Variants in UTRN observed in about 807,000 individuals in gnomAD.
UTRN encodes utrophin, also known as dystrophin-related protein 1.
Under a neutral mutation model 463.9 loss-of-function variants are expected in UTRN, and 283 were observed. The ratio of observed to expected loss-of-function variants is 0.61; its 90% confidence interval spans 0.55 to 0.67. The LOEUF (loss-of-function observed/expected upper bound fraction) is 0.67, where lower values mean the gene tolerates loss of function less well. Ranked by LOEUF, UTRN falls within the 30% of genes least tolerant of loss-of-function variation. The pLI, the probability that UTRN is intolerant of heterozygous loss-of-function variation, is 0.00. For synonymous variants in UTRN, 1,442 were observed against 1,431.5 expected (o/e 1.01, Z -0.17); for missense variants, 3,922 against 4,084.3 (o/e 0.96, Z 1.08).
In UTRN at chr6:144,539,420, A is replaced by G; in HGVS notation, c.6496A>G (p.Thr2166Ala). The change falls in exon 45 of 75, where the codon ACT (threonine) becomes GCT (alanine). Residue 2166 changes from threonine (T) to alanine (A), a missense_variant. By Grantham distance (58) the Thr-to-Ala change is moderately conservative. This residue lies in a region of UTRN where 2,349 missense variants were observed against 2,303.8 expected (regional missense o/e 1.02). Coordinates refer to ENST00000367545, the MANE Select transcript of UTRN (RefSeq NM_007124.3). ...GGATAAAATTTCAGAAAGCTTAAGG[A>G]CTGTAAATATGACATGGAATAAGGT... ...ERDKISESLR[T>A]VNMTWNKICR... 2 of 1,610,008 alleles carry G rather than the reference A, an allele frequency of 1.2e-6. No homozygotes were observed. Among genetic ancestry groups the G allele is most frequent in the Non-Finnish European group, 1.7e-6 (2 of 1,178,476 alleles).
chr6:144,658,958 GT>G (rs1434766388), intron 51 of UTRN, among the ~76,000 whole-genome samples: 3 of 152,196 alleles, frequency 2.0e-5, no homozygotes, highest in African/African-American at 7.2e-5. Context: ...CTCTCATTAA[GT>G]TTTATGTCAG....
At chr6:144,818,313 A>C (rs918754525) in intron 65 of UTRN, among the ~76,000 whole-genome samples, 3 of 152,146 alleles carry the variant, frequency 2.0e-5, no homozygotes, top group African/African-American at 7.2e-5. Context: ...GGGTGATGAA[A>C]ATGACCTGTA....
chr6:144,485,756 T>C lies in UTRN; in HGVS notation c.3822+237T>C, dbSNP rs145344398. On this transcript the variant is annotated intron_variant, in intron 28 of 74. Transcript: ENST00000367545. Reference sequence around the variant, plus strand: ...GTTAGCTGTTTGACATCTTACATTTTAGACATGTTGAAGCACTCTAGTGGT... The same window carrying C: ...GTTAGCTGTTTGACATCTTACATTTCAGACATGTTGAAGCACTCTAGTGGT... Among the ~76,000 whole-genome samples the C allele has an allele frequency of 2.5e-3, 379 of 152,358 alleles. 1 individual carries two copies. Among genetic ancestry groups the C allele is most frequent in the Admixed American group, 4.5e-3 (69 of 15,304 alleles).
chr6:144,635,523 T>TC (rs1188341169), intron 51 of UTRN, among the ~76,000 whole-genome samples: 1 of 77,568 alleles, frequency 1.3e-5, no homozygotes. Flanking sequence ...TCTTTTTTTT[T>TC]TTTTTTCTTT....
rs1161230668 is a variant in UTRN at position 144,744,316 on chromosome 6, ATATATGTGTGTGTGTGTGTG to A, written c.7940-3928_7940-3909del. On this transcript the variant is annotated intron_variant, in intron 54 of 74. Coordinates refer to ENST00000367545, the MANE Select transcript of UTRN (RefSeq NM_007124.3). ...AAAAATGGTGTATACATATATATATATATATGTGTGTGTGTGTGTGTGTGTGTGTGTGTGTGTATAAAATT... is the reference window on the plus strand; with the variant it reads ...AAAAATGGTGTATACATATATATATATGTGTGTGTGTGTGTGTATAAAATT... 4.1e-5 allele frequency among the ~76,000 whole-genome samples: 5 copies of A among 121,596 alleles called. No individual in the cohort carries two copies. In the East Asian group the frequency reaches 1.3e-3, roughly 32 times the overall value. 79.8% of individuals were successfully genotyped at this position (121,596 alleles called of 152,430 possible). A position where few individuals can be genotyped will look rare whatever the true frequency, so the allele number is the denominator to read the frequency against.
chr6:144,801,187 C>T (rs921192096), intron 64 of UTRN, among the ~76,000 whole-genome samples: 2 of 152,064 alleles, frequency 1.3e-5, no homozygotes, highest in Admixed American at 6.6e-5. Context: ...GAATATAGTA[C>T]ATCTAAAATT....
chr6:144,802,585 C>T (rs75218189), intron 64 of UTRN, among the ~76,000 whole-genome samples: 1 of 152,254 alleles, frequency 6.6e-6, no homozygotes, highest in East Asian at 1.9e-4. Context: ...TTTAAAACAC[C>T]ATTTCCATTC....
intron 8 of UTRN, 55 bp from the exon 9 acceptor site, chr6:144,429,526 T>G: frequency 6.7e-7 from 1 of 1,489,674 alleles, no homozygotes; most frequent in Non-Finnish European, 9.1e-7. Flanking sequence ...TATTGAGCAA[T>G]TCACATATTT....
intron 73 of UTRN, among the ~76,000 whole-genome samples, chr6:144,841,464 TCTTA>T (rs1169819120): frequency 1.3e-5 from 2 of 152,138 alleles, no homozygotes; most frequent in East Asian, 1.9e-4. Flanking sequence ...ATATAATAAT[TCTTA>T]CTTATTCATT....
In UTRN at chr6:144,511,067, A is replaced by G. The variant is rs1205230144; in HGVS notation, c.4888A>G (p.Asn1630Asp). The G allele has an allele frequency of 6.2e-7, 1 of 1,611,410 alleles. No homozygotes were observed. Residue 1630 changes from asparagine to aspartate, a missense_variant, in exon 35 of 75, where the codon AAC becomes GAC. Physicochemically the swap from Asn to Asp is conservative, Grantham distance 23. Transcript: ENST00000367545. Reference sequence around the variant, plus strand: ...TTTAGAAGAGAGGCTCTGCGTCCTTAACGCTGGGTGGAGCCGAGTTCGTAC... The same window carrying G: ...TTTAGAAGAGAGGCTCTGCGTCCTTGACGCTGGGTGGAGCCGAGTTCGTAC... ...PILEERLCVL[N>D]AGWSRVRTWT...
At chr6:144,485,009 G>T (rs749862203) in intron 27 of UTRN, among the ~76,000 whole-genome samples, 4 of 151,862 alleles carry the variant, frequency 2.6e-5, no homozygotes, top group African/African-American at 9.7e-5. Flanking sequence ...CCGCCTCCCG[G>T]GTTCACGCCA....
intron 58 of UTRN, among the ~76,000 whole-genome samples, chr6:144,768,941 G>GTTTTTT (rs1204880630): frequency 1.2e-4 from 12 of 96,896 alleles, no homozygotes; most frequent in African/African-American, 4.7e-4. Flanking sequence ...TTGCTACTTT[G>GTTTTTT]TTTTTTGTTT....
chr6:144,410,033 C>T (rs1177644413), intron 3 of UTRN, among the ~76,000 whole-genome samples: 1 of 152,080 alleles, frequency 6.6e-6, no homozygotes, highest in East Asian at 1.9e-4. Context: ...GTCTCTTGTC[C>T]ACCTTCTCAA....
intron 63 of UTRN, among the ~76,000 whole-genome samples, chr6:144,795,418 C>G (rs1777126129): frequency 6.6e-6 from 1 of 152,148 alleles, no homozygotes; most frequent in South Asian, 2.1e-4. Flanking sequence ...AATGGTATTT[C>G]TGGTTCTATA....
chr6:144,833,332 T>C (rs1208249633), intron 69 of UTRN, among the ~76,000 whole-genome samples: 1 of 152,200 alleles, frequency 6.6e-6, no homozygotes, highest in Non-Finnish European at 1.5e-5. Context: ...TGCTCCATTG[T>C]CTTTGGACAT....
At chr6:144,574,691 A>T (rs887139624) in intron 50 of UTRN, among the ~76,000 whole-genome samples, 1 of 151,948 alleles carries the variant, frequency 6.6e-6, no homozygotes, top group Admixed American at 6.6e-5. Context: ...AGCAATTCTT[A>T]CTGCCTCAGC....
At chr6:144,378,797 C>T (rs1429905604) in intron 2 of UTRN, among the ~76,000 whole-genome samples, 1 of 152,128 alleles carries the variant, frequency 6.6e-6, no homozygotes, top group Non-Finnish European at 1.5e-5. Flanking sequence ...GAGACAGTGT[C>T]AGAAGGTTAT....
intron 51 of UTRN, among the ~76,000 whole-genome samples, chr6:144,673,683 G>A (rs1229315477): frequency 6.6e-6 from 1 of 152,004 alleles, no homozygotes; most frequent in Non-Finnish European, 1.5e-5. Flanking sequence ...TATTCCTTAT[G>A]CTGGTTGCTG....
chr6:144,354,274 C>G (rs1025654448), intron 2 of UTRN, among the ~76,000 whole-genome samples: 2 of 152,114 alleles, frequency 1.3e-5, no homozygotes, highest in African/African-American at 4.8e-5. Flanking sequence ...AAATAAAGGG[C>G]AGAACAAAAA....
Sources: allele counts gnomAD v4.1 joint callset (sites outside exome capture counted in the v4.1 genomes callset), GRCh38; gene constraint gnomAD v4.1.1; regional missense constraint gnomAD v4.1.1; transcripts MANE v1.5; gene names NCBI Gene and HGNC (gene_info 2026-07-23, HGNC 2026-07-21).